Variants in MAST2 observed in about 807,000 individuals in gnomAD.
MAST2 encodes the protein microtubule associated serine/threonine kinase 2.
MAST2 carries 70 observed loss-of-function variants against 147.4 expected under a neutral mutation model. The observed-to-expected ratio is 0.47, with a 90% CI of 0.39 to 0.58. The LOEUF (loss-of-function observed/expected upper bound fraction) is 0.58, where lower values mean the gene tolerates loss of function less well. Ranked by LOEUF, MAST2 falls within the 20% of genes least tolerant of loss-of-function variation. The pLI, the probability that MAST2 is intolerant of heterozygous loss-of-function variation, is 0.00. For synonymous variants in MAST2, 869 were observed against 896.8 expected (o/e 0.97, Z 0.55); for missense variants, 2,080 against 2,302.3 (o/e 0.90, Z 1.98).
At position 45,986,674 on chromosome 1, in the gene MAST2, G is replaced by A. The variant is rs570739179; in HGVS notation, c.593-11050G>A. 5.0e-5 allele frequency among the ~76,000 whole-genome samples: 7 copies of A among 139,736 alleles called. No homozygotes were observed. The East Asian group carries it at 1.5e-3, about 29-fold the overall frequency. The allele number at this position is 139,736 out of a possible 152,430, so 91.7% of individuals were successfully genotyped here. On this transcript the variant is annotated intron_variant, in intron 5 of 28. Coordinates refer to ENST00000361297, the MANE Select transcript of MAST2 (RefSeq NM_015112.3). ...GGAGCTTGCAGTGAGCCGAGATTGC[G>A]CCATTGCACTCCAGCCTGGGCGACA...
chr1:45,857,186 A>T (rs1045671656), intron 3 of MAST2, among the ~76,000 whole-genome samples: 3 of 152,180 alleles, frequency 2.0e-5, no homozygotes, highest in African/African-American at 7.2e-5. Context: ...TTCTATTAAC[A>T]GTTGTATAGC....
intron 3 of MAST2, among the ~76,000 whole-genome samples, chr1:45,867,132 C>T (rs1442736692): frequency 6.6e-6 from 1 of 152,104 alleles, no homozygotes; most frequent in African/African-American, 2.4e-5. Flanking sequence ...AGAGCTAACG[C>T]TTGAAAAGCA....
At chr1:45,892,119 A>G (rs1647899041) in intron 4 of MAST2, among the ~76,000 whole-genome samples, 2 of 152,220 alleles carry the variant, frequency 1.3e-5, no homozygotes, top group South Asian at 2.1e-4. Flanking sequence ...TGATTCTCAA[A>G]TGTGACCTTT....
intron 11 of MAST2, among the ~76,000 whole-genome samples, chr1:46,021,513 T>C (rs1002837264): frequency 6.6e-6 from 1 of 152,232 alleles, no homozygotes; most frequent in Admixed American, 6.5e-5. Context: ...CTCTAGCACA[T>C]AGGAGGTGCC....
chr1:46,032,606 A>T lies in MAST2; in HGVS notation c.3425A>T (p.Asp1142Val), dbSNP rs371877469. The T allele has an allele frequency of 5.0e-5, 81 of 1,613,934 alleles. No individual in the cohort carries two copies. In the Middle Eastern group the frequency reaches 2.0e-3, roughly 39 times the overall value. ...CTCTTCCTGGCACAGCACGTGGAGG[A>T]TGGAGGTCCGGCCAGTGAGGCAGGG... ...TVHHMVWHVE[D>V]GGPASEAGLR... is the part of the protein sequence containing the mutation. Residue 1142 changes from aspartate to valine, a missense_variant, in exon 26 of 29, where the codon GAT becomes GTT. Physicochemically the swap from Asp to Val is radical, Grantham distance 152. Coordinates refer to ENST00000361297, the MANE Select transcript of MAST2 (RefSeq NM_015112.3).
chr1:45,993,741 G>C (rs528121614), intron 5 of MAST2, among the ~76,000 whole-genome samples: 19 of 151,894 alleles, frequency 1.3e-4, no homozygotes, highest in African/African-American at 4.6e-4. Flanking sequence ...TCCCAAATTA[G>C]GCCAAACTTT....
intron 4 of MAST2, among the ~76,000 whole-genome samples, chr1:45,937,478 G>A (rs1462722349): frequency 6.6e-6 from 1 of 151,866 alleles, no homozygotes; most frequent in African/African-American, 2.4e-5. Context: ...GGTTGGGTAC[G>A]GTGGCTTACG....
chr1:45,867,225 A>G (rs1235378260), intron 3 of MAST2, among the ~76,000 whole-genome samples: 1 of 152,264 alleles, frequency 6.6e-6, no homozygotes, highest in Non-Finnish European at 1.5e-5. Context: ...TTATATAAAT[A>G]AACACACAAA....
intron 4 of MAST2, among the ~76,000 whole-genome samples, chr1:45,947,478 A>T (rs1319227254): frequency 6.6e-6 from 1 of 152,188 alleles, no homozygotes; most frequent in African/African-American, 2.4e-5. Context: ...TAATTGTTAG[A>T]TATTATCATT....
At position 45,904,605 on chromosome 1, in the gene MAST2, A is replaced by G. The variant is rs567501319; in HGVS notation, c.500+22210A>G. On this transcript the variant is annotated intron_variant, in intron 4 of 28. Transcript: ENST00000361297. ...TTAGCCCCCCCAAGTAGCTGGGACT[A>G]TAGACACATGCCACCATACCCAGCT... 1.4e-4 allele frequency among the ~76,000 whole-genome samples: 21 copies of G among 152,190 alleles called. No homozygotes were observed. In the South Asian group the frequency reaches 3.7e-3, roughly 27 times the overall value.
intron 5 of MAST2, among the ~76,000 whole-genome samples, chr1:45,982,807 G>A (rs561253012): frequency 6.6e-6 from 1 of 152,188 alleles, no homozygotes; most frequent in African/African-American, 2.4e-5. Flanking sequence ...TATGACTGGT[G>A]TTGGAAGTGC....
rs1198094179 is a variant in MAST2, at chr1:45,824,534, G to A, written c.279G>A (p.Gln93=). ...GKVKLQRQLS[Q]DDCKLWRGNL... is the part of the protein sequence containing the mutation. ...TTAAACTTCAGCGACAACTGAGTCAGGATGATTGTAAGTTATGGAGAGGAA... is the reference window on the plus strand; with the variant it reads ...TTAAACTTCAGCGACAACTGAGTCAAGATGATTGTAAGTTATGGAGAGGAA... Residue 93 remains glutamine, a synonymous_variant, in exon 2 of 29, where the codon CAG becomes CAA. Transcript: ENST00000361297. 1.2e-6 allele frequency: 2 copies of A among 1,610,134 alleles called. No homozygotes were observed. The highest frequency in any genetic ancestry group is 2.2e-5 in the South Asian group (2 of 90,290).
chr1:45,922,683 A>G (rs1455709767), intron 4 of MAST2, among the ~76,000 whole-genome samples: 1 of 152,174 alleles, frequency 6.6e-6, no homozygotes, highest in African/African-American at 2.4e-5. Flanking sequence ...CCGAGAGTTC[A>G]GAGATGCCTG....
chr1:45,883,149 G>A (rs988100806), intron 4 of MAST2, among the ~76,000 whole-genome samples: 1 of 152,050 alleles, frequency 6.6e-6, no homozygotes, highest in African/African-American at 2.4e-5. Context: ...GGAACCCTAA[G>A]GAAATAGAGC....
rs929121643 is a variant in MAST2, at chr1:46,002,686, T to G, written c.669-119T>G. 14 of 797,392 alleles carry G rather than the reference T, an allele frequency of 1.8e-5. No homozygotes were observed. The Middle Eastern group carries it at 1.3e-3, about 77-fold the overall frequency. 49.4% of individuals were successfully genotyped at this position (797,392 alleles called of 1,614,324 possible). ...GCATGTACTGGACTGAGCAGTAATG[T>G]CTTAAGGAGGAGCCCTACAGTGAAT... On this transcript the variant is annotated intron_variant, in intron 6 of 28. Transcript: ENST00000361297.
chr1:45,954,612 A>G (rs1021913574), intron 4 of MAST2, among the ~76,000 whole-genome samples: 3 of 152,188 alleles, frequency 2.0e-5, no homozygotes, highest in African/African-American at 7.2e-5. Context: ...CTGGAATGAA[A>G]GAATTAAGAC....
chr1:45,937,830 T>G (rs1656522897), intron 4 of MAST2, among the ~76,000 whole-genome samples: 1 of 150,974 alleles, frequency 6.6e-6, no homozygotes. Context: ...GGTTTTTTAC[T>G]AAATTTAATT....
chr1:45,959,253 A>G, intron 4 of MAST2, 133 bp from the exon 5 acceptor site: 2 of 612,010 alleles, frequency 3.3e-6, no homozygotes, highest in East Asian at 5.7e-5. Context: ...GTAATTGCTG[A>G]CCCAGTTCAG....
At chr1:45,804,522 C>A (rs911211266) in intron 1 of MAST2, among the ~76,000 whole-genome samples, 1 of 152,200 alleles carries the variant, frequency 6.6e-6, no homozygotes, top group African/African-American at 2.4e-5. Context: ...ATTTGGCCAT[C>A]ATTATACTTT....
Sources: gnomAD v4.1 joint callset for allele counts (sites outside exome capture counted in the v4.1 genomes callset) on GRCh38, gnomAD v4.1.1 for gene constraint, MANE v1.5 for transcripts, NCBI Gene and HGNC (gene_info 2026-07-23, HGNC 2026-07-21) for gene names.